Variants in EXOC6B observed in about 807,000 individuals in gnomAD.
EXOC6B encodes SEC15 homolog B.
A neutral mutation model predicts 113.5 loss-of-function variants in EXOC6B; 54 were observed. That is an observed-to-expected ratio of 0.48 (90% CI 0.38 to 0.60). The LOEUF (loss-of-function observed/expected upper bound fraction) is 0.60, where lower values mean the gene tolerates loss of function less well. EXOC6B is among the 20% of genes least tolerant of loss of function. EXOC6B has a pLI of 0.00. For synonymous variants in EXOC6B, 357 were observed against 339.0 expected (o/e 1.05, Z -0.58); for missense variants, 797 against 977.5 (o/e 0.82, Z 2.46).
chr2:72,516,317 G>A (rs983342526), intron 8 of EXOC6B, among the ~76,000 whole-genome samples: 6 of 151,940 alleles, frequency 3.9e-5, no homozygotes, highest in African/African-American at 7.3e-5. Context: ...GCACAGTCTC[G>A]GCTCACTGCA....
At chr2:72,790,055 CAG>C (rs776669942) in intron 1 of EXOC6B, among the ~76,000 whole-genome samples, 18 of 152,180 alleles carry the variant, frequency 1.2e-4, no homozygotes, top group Admixed American at 3.9e-4. Flanking sequence ...CTACCACACT[CAG>C]AGAAATGGCA....
intron 19 of EXOC6B, chr2:72,335,238 T>TA (rs1315824476): frequency 9.6e-6 from 5 of 522,656 alleles, no homozygotes; most frequent in Non-Finnish European, 1.7e-5. Flanking sequence ...GAAACTGTAC[T>TA]AATTCGACCT....
chr2:72,400,664 C>T (rs1247066219), intron 18 of EXOC6B, among the ~76,000 whole-genome samples: 40 of 148,572 alleles, frequency 2.7e-4, no homozygotes, highest in Admixed American at 4.0e-4. Context: ...AAAAGACATA[C>T]GCAGCCAAAA....
chr2:72,279,738 C>T (rs1298127094), intron 20 of EXOC6B, among the ~76,000 whole-genome samples: 6 of 152,046 alleles, frequency 3.9e-5, no homozygotes, highest in African/African-American at 7.2e-5. Context: ...CTCAGCCTCC[C>T]GAGTAGCTGG....
intron 6 of EXOC6B, among the ~76,000 whole-genome samples, chr2:72,664,773 G>A (rs925827973): frequency 9.2e-5 from 14 of 152,214 alleles, no homozygotes; most frequent in African/African-American, 2.9e-4. Context: ...TTCTCCCATA[G>A]GAGTGTGTGC....
rs879332404 is a variant in EXOC6B at position 72,176,658 on chromosome 2, A to G, written c.*2677T>C. ...TAGCCTGCTCAAAGAGATTTTCCCT[A>G]TGAATGTTAAAATGATGCAAGCAGC... On this transcript the variant is annotated 3_prime_UTR_variant, in exon 22 of 22. Transcript: ENST00000272427. 6.6e-6 allele frequency: 1 copy of G among 152,150 alleles called. No individual in the cohort carries two copies. The highest frequency in any genetic ancestry group is 1.5e-5 in the Non-Finnish European group (1 of 68,022). The allele number at this position is 152,150 out of a possible 1,614,324, so 9.4% of individuals were successfully genotyped here. A position where few individuals can be genotyped will look rare whatever the true frequency, so the allele number is the denominator to read the frequency against.
At chr2:72,457,811 T>G (rs771476791) in intron 18 of EXOC6B, among the ~76,000 whole-genome samples, 1 of 152,144 alleles carries the variant, frequency 6.6e-6, no homozygotes, top group African/African-American at 2.4e-5. Flanking sequence ...GGGTGCCTCA[T>G]GAAGATAGGC....
intron 20 of EXOC6B, among the ~76,000 whole-genome samples, chr2:72,247,324 A>G (rs1682727871): frequency 6.6e-6 from 1 of 152,218 alleles, no homozygotes; most frequent in Non-Finnish European, 1.5e-5. Flanking sequence ...ATACAGAATT[A>G]TAACTCCTAC....
intron 18 of EXOC6B, among the ~76,000 whole-genome samples, chr2:72,408,659 C>T (rs1428232993): frequency 6.6e-6 from 1 of 152,062 alleles, no homozygotes; most frequent in Non-Finnish European, 1.5e-5. Flanking sequence ...AACTGGCTAG[C>T]CATATGTAGA....
intron 8 of EXOC6B, among the ~76,000 whole-genome samples, chr2:72,537,169 A>T (rs1244255603): frequency 6.6e-6 from 1 of 151,882 alleles, no homozygotes; most frequent in African/African-American, 2.4e-5. Flanking sequence ...GGTGGGTAGT[A>T]GTGTGCATCT....
intron 20 of EXOC6B, among the ~76,000 whole-genome samples, chr2:72,321,327 G>A (rs1443823631): frequency 1.3e-5 from 2 of 152,084 alleles, no homozygotes; most frequent in African/African-American, 4.8e-5. Context: ...CTGAGGTCAG[G>A]AGTTCAAGAC....
chr2:72,586,548 C>T (rs1705587002), intron 6 of EXOC6B, among the ~76,000 whole-genome samples: 1 of 151,908 alleles, frequency 6.6e-6, no homozygotes, highest in African/African-American at 2.4e-5. Flanking sequence ...GTCAAGAGGT[C>T]GAGACCATCC....
chr2:72,356,797 C>G (rs1223807805), intron 19 of EXOC6B, among the ~76,000 whole-genome samples: 2 of 152,082 alleles, frequency 1.3e-5, no homozygotes, highest in African/African-American at 4.8e-5. Context: ...TGGTTTCAGT[C>G]ATCTATGGTC....
chr2:72,658,642 T>C (rs1459964838), intron 6 of EXOC6B, among the ~76,000 whole-genome samples: 1 of 152,082 alleles, frequency 6.6e-6, no homozygotes, highest in Non-Finnish European at 1.5e-5. Flanking sequence ...TCATTCTAAT[T>C]GACAAGAAAC....
chr2:72,757,785 TGG>T (rs1682512363), intron 1 of EXOC6B, among the ~76,000 whole-genome samples: 2 of 152,158 alleles, frequency 1.3e-5, no homozygotes, highest in Admixed American at 1.3e-4. Context: ...CAATCACCAC[TGG>T]TCAGAATTTT....
chr2:72,375,443 A>G (rs1468152987), intron 19 of EXOC6B, among the ~76,000 whole-genome samples: 2 of 152,220 alleles, frequency 1.3e-5, no homozygotes, highest in Admixed American at 6.5e-5. Context: ...AGAAGAACTG[A>G]AATTATATAA....
intron 20 of EXOC6B, among the ~76,000 whole-genome samples, chr2:72,217,482 GCA>G (rs1475707069): frequency 6.6e-6 from 1 of 152,192 alleles, no homozygotes; most frequent in African/African-American, 2.4e-5. Context: ...TACATTCAGA[GCA>G]CTCACTGTGT....
chr2:72,583,728 TTTTG>T (rs1270031693), intron 6 of EXOC6B, among the ~76,000 whole-genome samples: 2 of 138,550 alleles, frequency 1.4e-5, no homozygotes, highest in African/African-American at 6.6e-5. Context: ...TTGTTTTTGT[TTTTG>T]TTTTTTTTGA....
intron 8 of EXOC6B, among the ~76,000 whole-genome samples, chr2:72,516,011 C>T (rs542192399): frequency 6.6e-6 from 1 of 152,196 alleles, no homozygotes; most frequent in Non-Finnish European, 1.5e-5. Context: ...GATTGTTGAT[C>T]ACCAGCAGGC....
Sources: allele counts gnomAD v4.1 joint callset (sites outside exome capture counted in the v4.1 genomes callset), GRCh38; gene constraint gnomAD v4.1.1; transcripts MANE v1.5; gene names NCBI Gene and HGNC (gene_info 2026-07-23, HGNC 2026-07-21).